The following PDE7B variants were observed in gnomAD, a reference collection of about 807,000 sequenced individuals.
The protein encoded by PDE7B is 3',5'-cyclic-AMP phosphodiesterase 7B.
A neutral mutation model predicts 56.2 loss-of-function variants in PDE7B; 29 were observed. The observed-to-expected ratio is 0.52, with a 90% CI of 0.38 to 0.70. The LOEUF is 0.70. Among genes scored for constraint, PDE7B ranks in the 30% least tolerant of loss-of-function variants. The pLI is 0.00. For synonymous variants in PDE7B, 197 were observed against 196.9 expected (o/e 1.00, Z 0.00); for missense variants, 490 against 565.0 (o/e 0.87, Z 1.35).
chr6:135,908,646 G>T (rs1776158584), intron 1 of PDE7B, among the ~76,000 whole-genome samples: 1 of 152,110 alleles, frequency 6.6e-6, no homozygotes, highest in South Asian at 2.1e-4. Flanking sequence ...AATACCACAG[G>T]CAAAATGAAT....
chr6:136,058,339 T>C (rs936456349), intron 2 of PDE7B, among the ~76,000 whole-genome samples: 3 of 152,192 alleles, frequency 2.0e-5, no homozygotes, highest in Admixed American at 6.5e-5. Flanking sequence ...AAGGACACCC[T>C]GAAAACATGT....
At chr6:136,169,682 G>A (rs537700790) in intron 8 of PDE7B, among the ~76,000 whole-genome samples, 6 of 152,272 alleles carry the variant, frequency 3.9e-5, no homozygotes, top group African/African-American at 1.2e-4. Flanking sequence ...GTGAGCGACT[G>A]AATTAAATGT....
intron 1 of PDE7B, among the ~76,000 whole-genome samples, chr6:135,920,736 C>A (rs1261968909): frequency 6.6e-6 from 1 of 152,150 alleles, no homozygotes; most frequent in Admixed American, 6.5e-5. Flanking sequence ...GATTTAGGTT[C>A]CTTTCCACGT....
In PDE7B at chr6:135,865,011, A is replaced by G. The variant is rs1216793334; in HGVS notation, c.21+12992A>G. Among the ~76,000 whole-genome samples, 6 of 141,866 alleles carry G rather than the reference A, an allele frequency of 4.2e-5. No individual in the cohort carries two copies. The East Asian group carries it at 1.1e-3, about 25-fold the overall frequency. The allele number at this position is 141,866 out of a possible 152,430, so 93.1% of individuals were successfully genotyped here. The stretch of plus-strand genomic sequence containing the variant: ...TGCATCCAAGTGTTCTCATTGTTCA[A>G]TTCCCACCTGTGAGTGAGAACATGC... On this transcript the variant is annotated intron_variant, in intron 1 of 12. Transcript: ENST00000308191.
chr6:136,159,309 G>A (rs1778664382), intron 8 of PDE7B, among the ~76,000 whole-genome samples: 1 of 152,172 alleles, frequency 6.6e-6, no homozygotes, highest in African/African-American at 2.4e-5. Context: ...AGTATGAAAG[G>A]TGTTTTTGGA....
At chr6:136,163,356 C>T (rs762122577) in intron 8 of PDE7B, among the ~76,000 whole-genome samples, 8 of 152,242 alleles carry the variant, frequency 5.3e-5, no homozygotes, top group Non-Finnish European at 1.0e-4. Context: ...CTGAGCTACA[C>T]TTTGGCCCCT....
At chr6:135,976,861 A>T (rs1775194971) in intron 2 of PDE7B, among the ~76,000 whole-genome samples, 1 of 152,104 alleles carries the variant, frequency 6.6e-6, no homozygotes, top group Non-Finnish European at 1.5e-5. Context: ...ACTTTCTAAA[A>T]CCACACACTT....
chr6:136,019,454 G>A (rs4333432), intron 2 of PDE7B, among the ~76,000 whole-genome samples: 132,889 of 152,142 alleles, frequency 0.87, 58,177 homozygotes, highest in African/African-American at 0.94. Context: ...CATCGACACT[G>A]TAAATATGCA....
rs1779158813 is a variant in PDE7B at position 136,187,298 on chromosome 6, T to C, written c.1126+182T>C. 2.6e-5 allele frequency among the ~76,000 whole-genome samples: 4 copies of C among 152,356 alleles called. No homozygotes were observed. In the South Asian group the frequency reaches 8.3e-4, roughly 32 times the overall value. Reference sequence around the variant, plus strand: ...GACTAATCTACTAGCTAATTATCTATTGAGAACTTATGAAACCTAGGATCG... The same window carrying C: ...GACTAATCTACTAGCTAATTATCTACTGAGAACTTATGAAACCTAGGATCG... On this transcript the variant is annotated intron_variant, in intron 12 of 12. Transcript: ENST00000308191.
intron 2 of PDE7B, among the ~76,000 whole-genome samples, chr6:136,068,751 G>C (rs1402901077): frequency 1.3e-5 from 2 of 152,112 alleles, no homozygotes; most frequent in Non-Finnish European, 2.9e-5. Context: ...TTATTACACA[G>C]ATGAAGCCTC....
At chr6:136,140,328 G>A (rs545504562) in intron 3 of PDE7B, among the ~76,000 whole-genome samples, 46 of 152,110 alleles carry the variant, frequency 3.0e-4, no homozygotes, top group African/African-American at 1.0e-3. Context: ...CCATTGGTCT[G>A]TATCTCTGTT....
chr6:136,126,373 C>G (rs139408463), intron 3 of PDE7B, among the ~76,000 whole-genome samples: 314 of 152,304 alleles, frequency 2.1e-3, no homozygotes, highest in African/African-American at 7.1e-3. Context: ...AAGAGAACAA[C>G]CACTATGGAA....
At chr6:135,921,551 C>T (rs1260402315) in intron 1 of PDE7B, among the ~76,000 whole-genome samples, 3 of 151,960 alleles carry the variant, frequency 2.0e-5, no homozygotes, top group African/African-American at 7.3e-5. Flanking sequence ...ATAATATATC[C>T]ATCATCTGGA....
At chr6:135,857,057 CCTTCCTCCCTTCCTT>C (rs1775048260) in intron 1 of PDE7B, among the ~76,000 whole-genome samples, 1 of 133,974 alleles carries the variant, frequency 7.5e-6, no homozygotes, top group African/African-American at 2.9e-5. Context: ...TCCCTCCCTT[CCTTCCTCCCTTCCTT>C]CCTTCCTTTT....
At chr6:135,955,607 T>TA (rs923700517) in intron 2 of PDE7B, among the ~76,000 whole-genome samples, 11 of 152,050 alleles carry the variant, frequency 7.2e-5, no homozygotes, top group Admixed American at 7.2e-4. Flanking sequence ...GCAGAGGAGC[T>TA]ACAAGGGGAG....
At chr6:136,039,151 T>C (rs1776374852) in intron 2 of PDE7B, among the ~76,000 whole-genome samples, 1 of 152,114 alleles carries the variant, frequency 6.6e-6, no homozygotes. Flanking sequence ...CCAGGGACTT[T>C]GTCTTGTCAT....
intron 1 of PDE7B, among the ~76,000 whole-genome samples, chr6:135,882,843 C>G (rs972191643): frequency 6.6e-6 from 1 of 152,162 alleles, no homozygotes; most frequent in Non-Finnish European, 1.5e-5. Flanking sequence ...CTGAATATTT[C>G]ACTAGATGGC....
At chr6:136,055,482 G>A (rs994168659) in intron 2 of PDE7B, among the ~76,000 whole-genome samples, 2 of 152,184 alleles carry the variant, frequency 1.3e-5, no homozygotes, top group African/African-American at 4.8e-5. Flanking sequence ...TTCAAGTTGT[G>A]TTAAAAGTTC....
chr6:135,934,836 T>G (rs1372844838), intron 1 of PDE7B, among the ~76,000 whole-genome samples: 1 of 117,058 alleles, frequency 8.5e-6, no homozygotes, highest in African/African-American at 3.4e-5. Flanking sequence ...TAAATAAATA[T>G]ATATATTTAT....
Sources: gnomAD v4.1 joint callset for allele counts (sites outside exome capture counted in the v4.1 genomes callset) on GRCh38, gnomAD v4.1.1 for gene constraint, MANE v1.5 for transcripts, NCBI Gene and HGNC (gene_info 2026-07-23, HGNC 2026-07-21) for gene names.